Variants in KATNBL1 observed in about 807,000 individuals in gnomAD.
KATNBL1 encodes KATNB1-like protein 1.
Under a neutral mutation model 44.7 loss-of-function variants are expected in KATNBL1, and 28 were observed. The observed-to-expected ratio is 0.63, with a 90% confidence interval of 0.46 to 0.86. The LOEUF (loss-of-function observed/expected upper bound fraction) is 0.86, where lower values mean the gene tolerates loss of function less well. Ranked by LOEUF, KATNBL1 falls within the 40% of genes least tolerant of loss-of-function variation. The pLI, the probability that KATNBL1 is intolerant of heterozygous loss-of-function variation, is 0.00. For synonymous variants in KATNBL1, 78 were observed against 114.9 expected, an observed-to-expected ratio of 0.68 and a Z score of 2.06; for missense variants, 272 against 350.7, an observed-to-expected ratio of 0.78 and a Z score of 1.79.
intron 1 of KATNBL1, among the ~76,000 whole-genome samples, chr15:34,206,627 C>G (rs1056737689): frequency 3.9e-5 from 6 of 152,030 alleles, no homozygotes; most frequent in African/African-American, 1.2e-4. Flanking sequence ...CCCGTCTCAA[C>G]TAAAAATACA....
At chr15:34,166,148 A>C (rs2140935903) in intron 1 of KATNBL1, 1 of 152,448 alleles carries the variant, frequency 6.6e-6, no homozygotes, top group East Asian at 1.9e-4. Flanking sequence ...CTCACCCGGG[A>C]AGCGCTAGGG....
intron 2 of KATNBL1, among the ~76,000 whole-genome samples, chr15:34,158,516 G>T (rs1888705636): frequency 6.6e-6 from 1 of 152,138 alleles, no homozygotes; most frequent in Admixed American, 6.5e-5. Flanking sequence ...GATGTCCTGG[G>T]ACATGGACAA....
intron 1 of KATNBL1, among the ~76,000 whole-genome samples, chr15:34,185,926 T>A (rs1889702216): frequency 6.6e-6 from 1 of 152,190 alleles, no homozygotes; most frequent in South Asian, 2.1e-4. Context: ...TTTAGTTCCA[T>A]GATACTGTCT....
At chr15:34,142,444 G>A (rs995457374) in intron 9 of KATNBL1, 73 bp from the exon 10 acceptor site, 79 of 1,457,954 alleles carry the variant, frequency 5.4e-5, no homozygotes, top group Admixed American at 7.4e-5. Context: ...ATTTTTTTTT[G>A]TTGTTGCTTA....
At chr15:34,170,569 A>C (rs1177837083) in intron 1 of KATNBL1, among the ~76,000 whole-genome samples, 4 of 152,288 alleles carry the variant, frequency 2.6e-5, no homozygotes, top group Middle Eastern at 3.4e-3. Flanking sequence ...ACTTTCTTGG[A>C]AGAATTGGAA....
At chr15:34,162,537 C>A (rs964308377) in intron 2 of KATNBL1, among the ~76,000 whole-genome samples, 2 of 152,332 alleles carry the variant, frequency 1.3e-5, no homozygotes, top group South Asian at 4.1e-4. Context: ...CTATTTTCCA[C>A]ACTTCTAGTT....
intron 1 of KATNBL1, among the ~76,000 whole-genome samples, chr15:34,185,989 TA>T (rs1454692169): frequency 6.6e-6 from 1 of 152,218 alleles, no homozygotes; most frequent in Non-Finnish European, 1.5e-5. Flanking sequence ...AGACAAGAGT[TA>T]CTTTCTCAAA....
chr15:34,198,070 A>G (rs967926142), intron 1 of KATNBL1, among the ~76,000 whole-genome samples: 1 of 152,176 alleles, frequency 6.6e-6, no homozygotes, highest in Non-Finnish European at 1.5e-5. Flanking sequence ...TCTTTTCTTG[A>G]CACAAAAAGA....
chr15:34,142,868 C>T (rs576278820), intron 9 of KATNBL1: 30 of 336,278 alleles, frequency 8.9e-5, no homozygotes, highest in South Asian at 2.8e-4. Context: ...TGCACCACCA[C>T]GCCCGGCTAA....
Position 34,153,019 on chromosome 15 carries a change from T to C in KATNBL1, c.209A>G (p.Tyr70Cys), listed in dbSNP as rs375027107. ...GGGATGATGAACTTTCTTTCTGCGA[T>C]AGATCACTTTACGAAGTTTATCTGG... Reference protein sequence around the residue: ...KSPDKLRKVIYRRKKVHHPFP... With the variant: ...KSPDKLRKVICRRKKVHHPFP... Residue 70 changes from tyrosine to cysteine, a missense_variant, in exon 4 of 10, where the codon TAT becomes TGT. By Grantham distance (194) the Tyr-to-Cys change is radical. This residue lies in a region of KATNBL1 where 122 missense variants were observed against 125.0 expected (regional missense o/e 0.98). Transcript: ENST00000256544. 5.6e-6 allele frequency: 9 copies of C among 1,613,404 alleles called. No individual in the cohort carries two copies. The highest frequency in any genetic ancestry group is 3.3e-5 in the Admixed American group (2 of 59,998).
chr15:34,183,317 T>G (rs1732054337), intron 1 of KATNBL1, among the ~76,000 whole-genome samples: 1 of 152,162 alleles, frequency 6.6e-6, no homozygotes, highest in Non-Finnish European at 1.5e-5. Context: ...AAAACTTAAT[T>G]TGCAAAGGCC....
chr15:34,206,618 C>T (rs1305592376), intron 1 of KATNBL1, among the ~76,000 whole-genome samples: 1 of 152,096 alleles, frequency 6.6e-6, no homozygotes, highest in Non-Finnish European at 1.5e-5. Context: ...TGGCGAAACC[C>T]CGTCTCAACT....
intron 1 of KATNBL1, among the ~76,000 whole-genome samples, chr15:34,172,273 T>TTTTTTTTTG: frequency 6.8e-6 from 1 of 147,356 alleles, no homozygotes; most frequent in Non-Finnish European, 1.5e-5. Flanking sequence ...TTTTTTTTTT[T>TTTTTTTTTG]TGAGATGGAG....
rs1242581734 is a variant in KATNBL1, at chr15:34,140,986, T to G, written c.*1353A>C. 2.0e-5 allele frequency: 3 copies of G among 152,256 alleles called. No individual in the cohort carries two copies. In the East Asian group the frequency reaches 5.8e-4, roughly 29 times the overall value. The allele number at this position is 152,256 out of a possible 1,614,324, so 9.4% of individuals were successfully genotyped here. A position where few individuals can be genotyped will look rare whatever the true frequency, so the allele number is the denominator to read the frequency against. ...TATCAGTAGTCATTAAACGAATAAA[T>G]GCTAAAGGTTTACATTCAAGTGCTT... On this transcript the variant is annotated 3_prime_UTR_variant, in exon 10 of 10. Transcript: ENST00000256544.
chr15:34,176,238 C>T (rs1302116448), intron 1 of KATNBL1, among the ~76,000 whole-genome samples: 1 of 151,646 alleles, frequency 6.6e-6, no homozygotes, highest in African/African-American at 2.4e-5. Flanking sequence ...ATAAGCTGGG[C>T]GTGGTGGCAG....
intron 1 of KATNBL1, among the ~76,000 whole-genome samples, chr15:34,180,896 C>CA (rs940115552): frequency 6.6e-6 from 1 of 151,364 alleles, no homozygotes; most frequent in Non-Finnish European, 1.5e-5. Context: ...GACCCGTCTC[C>CA]AAAAAAAACC....
In KATNBL1 at chr15:34,141,001, T is replaced by C. The variant is rs375449323; in HGVS notation, c.*1338A>G. The C allele has an allele frequency of 5.3e-5, 8 of 152,330 alleles. No individual in the cohort carries two copies. In the South Asian group the frequency reaches 1.0e-3, roughly 20 times the overall value. 9.4% of individuals were successfully genotyped at this position (152,330 alleles called of 1,614,324 possible). On this transcript the variant is annotated 3_prime_UTR_variant, in exon 10 of 10. Transcript: ENST00000256544. ...AACGAATAAATGCTAAAGGTTTACA[T>C]TCAAGTGCTTGAAGGACTACTGCAG...
At chr15:34,156,904 C>T (rs1193114145) in intron 2 of KATNBL1, among the ~76,000 whole-genome samples, 1 of 152,174 alleles carries the variant, frequency 6.6e-6, no homozygotes, top group Non-Finnish European at 1.5e-5. Context: ...GCAATCTATT[C>T]TTGCTCTTTA....
intron 2 of KATNBL1, among the ~76,000 whole-genome samples, chr15:34,160,213 T>C (rs940563747): frequency 3.3e-5 from 5 of 152,222 alleles, no homozygotes; most frequent in Non-Finnish European, 5.9e-5. Context: ...GGCTTTACTC[T>C]TTTGTACCCT....
Sources: allele counts gnomAD v4.1 joint callset (sites outside exome capture counted in the v4.1 genomes callset), GRCh38; gene constraint gnomAD v4.1.1; regional missense constraint gnomAD v4.1.1; transcripts MANE v1.5; gene names NCBI Gene and HGNC (gene_info 2026-07-23, HGNC 2026-07-21).